TSPAN7: variants seen among roughly 807,000 people sequenced by gnomAD.
TSPAN7 encodes tetraspanin-7.
Under a neutral mutation model 17.6 loss-of-function variants are expected in TSPAN7, and 1 was observed. The observed-to-expected ratio is 0.06, with a 90% CI of 0.02 to 0.27. The LOEUF is 0.27. TSPAN7 is among the 10% of genes least tolerant of loss of function. The pLI is 1.00. For missense variants in TSPAN7, 112 were observed against 201.7 expected (o/e 0.56, Z 2.69); for synonymous variants, 78 against 79.0 (o/e 0.99, Z 0.07).
chrX:38,567,277 A>G (rs764915462), intron 1 of TSPAN7, among the ~76,000 whole-genome samples: 1 of 112,540 alleles, frequency 8.9e-6, no homozygotes, highest in Non-Finnish European at 1.9e-5. Context: ...ATTGACTCAC[A>G]GTTCCACATG....
Position 38,675,864 on chromosome X carries a change from C to T in TSPAN7, c.597+4C>T, listed in dbSNP as rs751490577. The T allele has an allele frequency of 1.7e-5, 21 of 1,209,171 alleles. 1 individual carries two copies. In the African/African-American group the frequency reaches 1.9e-4, roughly 11 times the overall value. ...CGCCACCAAAGTTAACCAGAAGGTA[C>T]CCGCTTTCTCCTGGCCCAGATGGGA... On this transcript the variant is annotated splice_donor_region_variant and intron_variant, in intron 5 of 7. Transcript: ENST00000378482.
chrX:38,653,056 GT>G (rs1480164754), intron 1 of TSPAN7, among the ~76,000 whole-genome samples: 2 of 112,081 alleles, frequency 1.8e-5, no homozygotes, highest in Admixed American at 9.5e-5. Context: ...CTGCCTTCGA[GT>G]TGGACAGAAA....
intron 1 of TSPAN7, among the ~76,000 whole-genome samples, chrX:38,660,458 A>G (rs2069737390): frequency 8.9e-6 from 1 of 111,910 alleles, no homozygotes; most frequent in Non-Finnish European, 1.9e-5. Flanking sequence ...TCACATAAGA[A>G]TCAGCTAAGA....
In TSPAN7 at chrX:38,681,296, C is replaced by T; in HGVS notation, c.681+9C>T. Reference sequence around the variant, plus strand: ...GAATCGCATTCTCCCAGGTAGCCTACATAATTGTGCAGAACCTGGTCTAAC... The same window carrying T: ...GAATCGCATTCTCCCAGGTAGCCTATATAATTGTGCAGAACCTGGTCTAAC... On this transcript the variant is annotated intron_variant, in intron 6 of 7. Transcript: ENST00000378482. 8.4e-7 allele frequency: 1 copy of T among 1,189,447 alleles called. No individual in the cohort carries two copies. Among genetic ancestry groups the T allele is most frequent in the Non-Finnish European group, 1.1e-6 (1 of 875,163 alleles).
chrX:38,681,102 T>G (rs893947999), intron 5 of TSPAN7, 102 bp from the exon 6 acceptor site: 1 of 634,054 alleles, frequency 1.6e-6, no homozygotes, highest in African/African-American at 2.2e-5. Context: ...TTGTATTTGC[T>G]GAATTAAGGT....
At chrX:38,687,850 T>A (rs894607603) in intron 7 of TSPAN7, 89 bp from the exon 8 acceptor site, 10 of 351,031 alleles carry the variant, frequency 2.8e-5, no homozygotes, top group South Asian at 9.6e-5. Flanking sequence ...GGTTCTTTTG[T>A]GGAAAATGTG....
At chrX:38,577,541 A>G (rs911472285) in intron 1 of TSPAN7, among the ~76,000 whole-genome samples, 3 of 107,904 alleles carry the variant, frequency 2.8e-5, no homozygotes, top group Non-Finnish European at 5.8e-5. Flanking sequence ...GGAAACCATC[A>G]TTCTCAGCAA....
At chrX:38,639,910 A>G (rs2069603114) in intron 1 of TSPAN7, among the ~76,000 whole-genome samples, 1 of 111,296 alleles carries the variant, frequency 9.0e-6, no homozygotes, top group African/African-American at 3.3e-5. Context: ...GATTCTATTT[A>G]CCAGAATTCT....
At chrX:38,594,208 G>A (rs2069306860) in intron 1 of TSPAN7, among the ~76,000 whole-genome samples, 1 of 111,074 alleles carries the variant, frequency 9.0e-6, no homozygotes, top group African/African-American at 3.3e-5. Context: ...TTTTGTTTTT[G>A]TTTTTGTCTT....
At chrX:38,570,238 T>G (rs936873657) in intron 1 of TSPAN7, among the ~76,000 whole-genome samples, 1 of 112,119 alleles carries the variant, frequency 8.9e-6, no homozygotes, top group African/African-American at 3.2e-5. Flanking sequence ...TTGGCTGTTT[T>G]TCTTTTACTA....
intron 1 of TSPAN7, among the ~76,000 whole-genome samples, chrX:38,608,605 TTATTTAA>T (rs2147415918): frequency 9.0e-6 from 1 of 111,478 alleles, no homozygotes; most frequent in African/African-American, 3.2e-5. Flanking sequence ...ATACATAGTA[TTATTTAA>T]TATATCTTTA....
chrX:38,683,524 G>A (rs2069905610), intron 6 of TSPAN7, among the ~76,000 whole-genome samples: 1 of 112,726 alleles, frequency 8.9e-6, no homozygotes, highest in African/African-American at 3.2e-5. Flanking sequence ...AAAACACAAA[G>A]CCCAGTGGCA....
At chrX:38,567,984 C>G (rs2069152314) in intron 1 of TSPAN7, among the ~76,000 whole-genome samples, 1 of 111,891 alleles carries the variant, frequency 8.9e-6, no homozygotes, top group African/African-American at 3.2e-5. Flanking sequence ...TTTGTTTTCT[C>G]TACAGTTAAG....
intron 1 of TSPAN7, among the ~76,000 whole-genome samples, chrX:38,646,875 G>A (rs1339249354): frequency 8.9e-6 from 1 of 111,806 alleles, no homozygotes; most frequent in Non-Finnish European, 1.9e-5. Context: ...AGTGGCCACG[G>A]GAAAACAGAT....
At chrX:38,663,106 T>A in intron 1 of TSPAN7, among the ~76,000 whole-genome samples, 1 of 107,232 alleles carries the variant, frequency 9.3e-6, no homozygotes, top group African/African-American at 3.4e-5. Flanking sequence ...ATAGAACCAG[T>A]CCAAATGCCC....
At chrX:38,684,150 G>A (rs1233382396) in intron 6 of TSPAN7, among the ~76,000 whole-genome samples, 1 of 112,275 alleles carries the variant, frequency 8.9e-6, no homozygotes, top group Non-Finnish European at 1.9e-5. Flanking sequence ...TTGTCTCAAA[G>A]ATTAAAGGTG....
intron 1 of TSPAN7, among the ~76,000 whole-genome samples, chrX:38,602,659 C>T (rs2069352682): frequency 8.9e-6 from 1 of 112,048 alleles, no homozygotes; most frequent in African/African-American, 3.2e-5. Flanking sequence ...TTTCTTTGCA[C>T]TTACATAATA....
chrX:38,642,888 A>T (rs1478018555), intron 1 of TSPAN7, among the ~76,000 whole-genome samples: 3 of 111,137 alleles, frequency 2.7e-5, no homozygotes, highest in Non-Finnish European at 5.7e-5. Flanking sequence ...GAATAAGTTG[A>T]TACATGCTTC....
intron 5 of TSPAN7, among the ~76,000 whole-genome samples, chrX:38,679,177 A>G (rs2069874426): frequency 8.9e-6 from 1 of 112,561 alleles, no homozygotes; most frequent in Non-Finnish European, 1.9e-5. Context: ...TTTAGAAAAT[A>G]TATTCAGCTT....
Sources: gnomAD v4.1 joint callset for allele counts (sites outside exome capture counted in the v4.1 genomes callset) on GRCh38, gnomAD v4.1.1 for gene constraint, MANE v1.5 for transcripts, NCBI Gene and HGNC (gene_info 2026-07-23, HGNC 2026-07-21) for gene names.